The following ZNF385D variants were observed in gnomAD, a reference collection of about 807,000 sequenced individuals.
The protein encoded by ZNF385D is zinc finger protein 385D.
ZNF385D carries 15 observed loss-of-function variants against 35.8 expected under a neutral mutation model. The ratio of observed to expected loss-of-function variants is 0.42; its 90% CI spans 0.28 to 0.64. The LOEUF (loss-of-function observed/expected upper bound fraction) is 0.64, where lower values mean the gene tolerates loss of function less well. Among genes scored for constraint, ZNF385D ranks in the 30% least tolerant of loss-of-function variants. The probability of loss-of-function intolerance (pLI) is 0.23; values close to 1 mark genes in which losing one functional copy is unlikely to be tolerated. For missense variants in ZNF385D, 474 were observed against 494.6 expected (o/e 0.96, Z 0.39); for synonymous variants, 212 against 186.8 (o/e 1.13, Z -1.10).
chr3:22,015,726 T>C (rs259432), intron 3 of ZNF385D, among the ~76,000 whole-genome samples: 25,367 of 152,102 alleles, frequency 0.17, 2,570 homozygotes, highest in African/African-American at 0.28. Context: ...TTTACTACCA[T>C]AGTATGTTCT....
rs1576013940 is a variant in ZNF385D at position 21,960,418 on chromosome 3, C to T, written c.325+208399G>A. Reference sequence around the variant, plus strand: ...CTCACCCCAGTTAGAATGGCTATTACCAAAAAGACAAAAATAGCAAATGCT... The same window carrying T: ...CTCACCCCAGTTAGAATGGCTATTATCAAAAAGACAAAAATAGCAAATGCT... On this transcript the variant is annotated intron_variant, in intron 3 of 5. Coordinates refer to the ZNF385D transcript ENST00000494108. Among the ~76,000 whole-genome samples, 3 of 151,032 alleles carry T rather than the reference C, an allele frequency of 2.0e-5. No homozygotes were observed. In the Admixed American group the frequency reaches 2.0e-4, roughly 10 times the overall value.
At chr3:21,527,220 C>G (rs1235855327) in intron 3 of ZNF385D, among the ~76,000 whole-genome samples, 1 of 151,716 alleles carries the variant, frequency 6.6e-6, no homozygotes, top group South Asian at 2.1e-4. Context: ...TATTATTATA[C>G]AAAAAAAATG....
At chr3:21,450,383 G>T (rs560368834) in intron 4 of ZNF385D, among the ~76,000 whole-genome samples, 19 of 152,238 alleles carry the variant, frequency 1.2e-4, no homozygotes, top group African/African-American at 4.3e-4. Flanking sequence ...ATGAAAGAAT[G>T]AATAAATAAG....
At chr3:21,948,794 C>A (rs983772727) in intron 3 of ZNF385D, among the ~76,000 whole-genome samples, 2 of 151,952 alleles carry the variant, frequency 1.3e-5, no homozygotes, top group African/African-American at 4.8e-5. Context: ...GTGAAATTAA[C>A]TATTATGTTA....
chr3:21,601,601 C>T (rs1223051799), intron 2 of ZNF385D, among the ~76,000 whole-genome samples: 1 of 152,138 alleles, frequency 6.6e-6, no homozygotes, highest in Admixed American at 6.5e-5. Context: ...GTGAAATCAT[C>T]TAAGGAAAGC....
chr3:21,894,203 C>T (rs923214817), intron 3 of ZNF385D, among the ~76,000 whole-genome samples: 1 of 152,068 alleles, frequency 6.6e-6, no homozygotes, highest in Non-Finnish European at 1.5e-5. Flanking sequence ...AGAAAAACAA[C>T]AGTATTACCT....
At chr3:21,982,012 G>T (rs1559816398) in intron 3 of ZNF385D, among the ~76,000 whole-genome samples, 2 of 147,968 alleles carry the variant, frequency 1.4e-5, no homozygotes, top group East Asian at 4.0e-4. Context: ...CTCCAGCTTT[G>T]TTCTTTGTGC....
chr3:22,162,438 T>G (rs1203680026), intron 3 of ZNF385D, among the ~76,000 whole-genome samples: 1 of 150,096 alleles, frequency 6.7e-6, no homozygotes, highest in Non-Finnish European at 1.5e-5. Flanking sequence ...TAAGATTAAC[T>G]CAAAGAAAAA....
At chr3:21,921,155 G>A (rs931191806) in intron 3 of ZNF385D, among the ~76,000 whole-genome samples, 4 of 147,076 alleles carry the variant, frequency 2.7e-5, no homozygotes, top group Middle Eastern at 3.3e-3. Context: ...CCCGGGAGGC[G>A]GAGTTTGCAG....
intron 3 of ZNF385D, among the ~76,000 whole-genome samples, chr3:21,854,461 C>T (rs778721507): frequency 2.0e-5 from 3 of 151,930 alleles, no homozygotes; most frequent in Non-Finnish European, 4.4e-5. Context: ...GGGCACGCAA[C>T]CTTGGCAATA....
chr3:22,171,208 C>T (rs1245182946), intron 2 of ZNF385D, among the ~76,000 whole-genome samples: 1 of 152,184 alleles, frequency 6.6e-6, no homozygotes, highest in Non-Finnish European at 1.5e-5. Context: ...GGCAATGCTA[C>T]AGAGATAGTC....
chr3:22,234,595 C>G (rs1015670630), intron 2 of ZNF385D, among the ~76,000 whole-genome samples: 1 of 151,940 alleles, frequency 6.6e-6, no homozygotes, highest in Non-Finnish European at 1.5e-5. Context: ...CTTGACACAG[C>G]AGGTGTGTGT....
intron 3 of ZNF385D, among the ~76,000 whole-genome samples, chr3:21,807,759 C>T (rs777612061): frequency 1.8e-4 from 27 of 152,096 alleles, no homozygotes; most frequent in Non-Finnish European, 3.2e-4. Flanking sequence ...TTCAGAACAT[C>T]AACTTCTATT....
chr3:22,272,725 G>C (rs562527052), intron 2 of ZNF385D, among the ~76,000 whole-genome samples: 1 of 152,046 alleles, frequency 6.6e-6, no homozygotes, highest in East Asian at 1.9e-4. Flanking sequence ...GTTTTCCTTA[G>C]ACTGTATGTA....
chr3:22,134,936 G>A (rs972892783), intron 3 of ZNF385D, among the ~76,000 whole-genome samples: 1 of 152,158 alleles, frequency 6.6e-6, no homozygotes, highest in Non-Finnish European at 1.5e-5. Flanking sequence ...CTAGTACGTA[G>A]AAGATTATGT....
At chr3:21,895,534 T>A (rs1699092020) in intron 3 of ZNF385D, among the ~76,000 whole-genome samples, 1 of 141,930 alleles carries the variant, frequency 7.0e-6, no homozygotes, top group Admixed American at 7.1e-5. Context: ...TGAGATGGGG[T>A]TTCACCATGT....
At chr3:22,353,338 G>T (rs1333861788) in intron 2 of ZNF385D, among the ~76,000 whole-genome samples, 2 of 152,172 alleles carry the variant, frequency 1.3e-5, no homozygotes, top group Non-Finnish European at 2.9e-5. Context: ...CCTGGACCAT[G>T]ACCATGCCCA....
At chr3:21,812,894 C>G (rs185883123) in intron 3 of ZNF385D, among the ~76,000 whole-genome samples, 1 of 152,346 alleles carries the variant, frequency 6.6e-6, no homozygotes. Flanking sequence ...CAGAGTGCCT[C>G]CTCAAGTGGG....
intron 2 of ZNF385D, among the ~76,000 whole-genome samples, chr3:21,629,041 G>A (rs749657574): frequency 6.6e-5 from 10 of 151,998 alleles, no homozygotes; most frequent in Non-Finnish European, 1.0e-4. Flanking sequence ...CCATTACAAT[G>A]AACAGATAAT....
Sources: allele counts gnomAD v4.1 joint callset (sites outside exome capture counted in the v4.1 genomes callset), GRCh38; gene constraint gnomAD v4.1.1; transcripts MANE v1.5; gene names NCBI Gene and HGNC (gene_info 2026-07-23, HGNC 2026-07-21).